KIAA1217: variants seen among roughly 807,000 people sequenced by gnomAD.
KIAA1217 encodes the protein KIAA1217.
A neutral mutation model predicts 163.9 loss-of-function variants in KIAA1217; 88 were observed. The observed-to-expected ratio is 0.54, with a 90% CI of 0.45 to 0.64. The LOEUF (loss-of-function observed/expected upper bound fraction) is 0.64. Among genes scored for constraint, KIAA1217 ranks in the 30% least tolerant of loss-of-function variants. KIAA1217 has a pLI of 0.00. For missense variants in KIAA1217, 2,372 were observed against 2,475.0 expected (o/e 0.96, Z 0.88); for synonymous variants, 903 against 923.1 (o/e 0.98, Z 0.39).
intron 2 of KIAA1217, among the ~76,000 whole-genome samples, chr10:24,102,223 G>A (rs1031881937): frequency 2.0e-5 from 3 of 152,104 alleles, no homozygotes; most frequent in African/African-American, 7.2e-5. Flanking sequence ...ATATACAAAA[G>A]TCAGTTGCTT....
chr10:24,119,270 A>G (rs940699474), intron 2 of KIAA1217, among the ~76,000 whole-genome samples: 6 of 152,248 alleles, frequency 3.9e-5, no homozygotes, highest in African/African-American at 1.4e-4. Context: ...CTCTTCTGAA[A>G]AGAGCATTGT....
chr10:24,538,795 C>T (rs1007653105), intron 17 of KIAA1217, among the ~76,000 whole-genome samples: 23 of 127,958 alleles, frequency 1.8e-4, no homozygotes, highest in African/African-American at 5.3e-4. Flanking sequence ...ATTGCTGTGA[C>T]GTGGTCTCGG....
chr10:24,010,224 A>G (rs962540310), intron 2 of KIAA1217, among the ~76,000 whole-genome samples: 3 of 152,134 alleles, frequency 2.0e-5, no homozygotes, highest in African/African-American at 4.8e-5. Flanking sequence ...AAAAAAGTCA[A>G]TGATTACAGT....
At chr10:24,517,572 G>A (rs753253770) in intron 10 of KIAA1217, among the ~76,000 whole-genome samples, 15 of 151,986 alleles carry the variant, frequency 9.9e-5, no homozygotes, top group Non-Finnish European at 1.8e-4. Flanking sequence ...CTCCCTCCTC[G>A]TTCTCCTTTT....
intron 2 of KIAA1217, among the ~76,000 whole-genome samples, chr10:24,336,165 A>G (rs976228891): frequency 6.6e-6 from 1 of 152,064 alleles, no homozygotes; most frequent in Non-Finnish European, 1.5e-5. Context: ...TCTCGTGAAC[A>G]TGGGGAGGTG....
At chr10:24,171,396 A>G (rs891415997) in intron 2 of KIAA1217, among the ~76,000 whole-genome samples, 6 of 152,276 alleles carry the variant, frequency 3.9e-5, no homozygotes, top group Non-Finnish European at 8.8e-5. Flanking sequence ...ATACTTTAAA[A>G]TAAATGATCC....
At chr10:24,171,063 C>T (rs1332599050) in intron 2 of KIAA1217, among the ~76,000 whole-genome samples, 1 of 152,202 alleles carries the variant, frequency 6.6e-6, no homozygotes, top group Non-Finnish European at 1.5e-5. Context: ...CCCCTAAAAG[C>T]TTAGATTGGT....
chr10:24,219,639 C>G lies in KIAA1217; in HGVS notation c.84C>G (p.Gly28=). Residue 28 remains glycine, a synonymous_variant, in exon 2 of 21, where the codon GGC becomes GGG. Transcript: ENST00000376454. ...TTTGTCTTTCAGAACAAGGCAAAGGCAATCTGCATGTAACATCACCAGAAG... is the reference window on the plus strand; with the variant it reads ...TTTGTCTTTCAGAACAAGGCAAAGGGAATCTGCATGTAACATCACCAGAAG... ...DRRQMQEQGK[G]NLHVTSPEDA... The G allele has an allele frequency of 6.3e-7, 1 of 1,598,608 alleles. No individual in the cohort carries two copies. The highest frequency in any genetic ancestry group is 8.5e-7 in the Non-Finnish European group (1 of 1,171,320).
chr10:24,472,952 A>G (rs2063684822), intron 5 of KIAA1217, among the ~76,000 whole-genome samples: 1 of 152,108 alleles, frequency 6.6e-6, no homozygotes, highest in Non-Finnish European at 1.5e-5. Context: ...TTCCATCAGC[A>G]TAGATCTCCC....
At chr10:24,312,061 G>A (rs1211295698) in intron 2 of KIAA1217, among the ~76,000 whole-genome samples, 1 of 152,158 alleles carries the variant, frequency 6.6e-6, no homozygotes, top group East Asian at 1.9e-4. Context: ...CCGAGGAGAA[G>A]CAGGCAATGT....
intron 2 of KIAA1217, among the ~76,000 whole-genome samples, chr10:24,152,890 T>C (rs983413061): frequency 6.6e-6 from 1 of 152,210 alleles, no homozygotes; most frequent in Non-Finnish European, 1.5e-5. Flanking sequence ...CAGGAATACA[T>C]AAGTCTTAAA....
At chr10:24,339,185 G>A (rs183540778) in intron 2 of KIAA1217, among the ~76,000 whole-genome samples, 191 of 152,068 alleles carry the variant, frequency 1.3e-3, no homozygotes, top group African/African-American at 2.4e-3. Flanking sequence ...AATTAACCTC[G>A]TTTTGTTTTT....
chr10:24,463,654 T>G (rs1193374472), intron 5 of KIAA1217, among the ~76,000 whole-genome samples: 2 of 152,234 alleles, frequency 1.3e-5, no homozygotes, highest in Non-Finnish European at 2.9e-5. Context: ...GTAATTTTTT[T>G]AAAGCCAATG....
chr10:24,193,117 C>G (rs1458703090), intron 2 of KIAA1217, among the ~76,000 whole-genome samples: 1 of 152,044 alleles, frequency 6.6e-6, no homozygotes, highest in East Asian at 1.9e-4. Flanking sequence ...CGGGGTCTTG[C>G]TATGTTGCCC....
intron 3 of KIAA1217, among the ~76,000 whole-genome samples, chr10:24,411,747 A>C (rs1287129256): frequency 2.6e-5 from 4 of 152,210 alleles, no homozygotes; most frequent in Admixed American, 6.5e-5. Flanking sequence ...AACAACGGAA[A>C]ATTAAAGCTC....
intron 1 of KIAA1217, among the ~76,000 whole-genome samples, chr10:24,217,958 C>A (rs1192380907): frequency 6.6e-6 from 1 of 152,172 alleles, no homozygotes; most frequent in Non-Finnish European, 1.5e-5. Flanking sequence ...GAGGTCACAT[C>A]ATTTGTTCTA....
chr10:24,194,088 G>A (rs2066863137), intron 2 of KIAA1217, among the ~76,000 whole-genome samples: 1 of 152,074 alleles, frequency 6.6e-6, no homozygotes. Flanking sequence ...TCAGGAGGCT[G>A]AGGCATGAGA....
At chr10:23,698,011 T>C (rs1025567664) in intron 1 of KIAA1217, among the ~76,000 whole-genome samples, 1 of 152,228 alleles carries the variant, frequency 6.6e-6, no homozygotes, top group Non-Finnish European at 1.5e-5. Flanking sequence ...TTTTGGAAAC[T>C]TTTCAGTGCT....
intron 1 of KIAA1217, among the ~76,000 whole-genome samples, chr10:23,710,110 A>G (rs1468944389): frequency 6.6e-6 from 1 of 152,222 alleles, no homozygotes; most frequent in Admixed American, 6.5e-5. Context: ...GAATGAAGGG[A>G]TGACTCAGAG....
Sources: allele counts gnomAD v4.1 joint callset (sites outside exome capture counted in the v4.1 genomes callset), GRCh38; gene constraint gnomAD v4.1.1; transcripts MANE v1.5; gene names NCBI Gene and HGNC (gene_info 2026-07-23, HGNC 2026-07-21).